Variants in ZNF608 observed in about 807,000 individuals in gnomAD.
ZNF608 encodes the protein renal carcinoma antigen NY-REN-36.
ZNF608 carries 12 observed loss-of-function variants against 109.0 expected under a neutral mutation model. The ratio of observed to expected loss-of-function variants is 0.11; its 90% confidence interval spans 0.07 to 0.18. The LOEUF (loss-of-function observed/expected upper bound fraction) is 0.18, where lower values mean the gene tolerates loss of function less well. Among genes scored for constraint, ZNF608 ranks in the 10% least tolerant of loss-of-function variants. The pLI, the probability that ZNF608 is intolerant of heterozygous loss-of-function variation, is 1.00. For synonymous variants in ZNF608, 732 were observed against 717.4 expected (o/e 1.02, Z -0.33); for missense variants, 1,707 against 1,879.3 (o/e 0.91, Z 1.70).
intron 3 of ZNF608, among the ~76,000 whole-genome samples, chr5:124,688,229 C>T (rs748809607): frequency 6.6e-6 from 1 of 151,990 alleles, no homozygotes; most frequent in Non-Finnish European, 1.5e-5. Context: ...AAGAGTCATT[C>T]TAGACACAAG....
intron 2 of ZNF608, among the ~76,000 whole-genome samples, chr5:124,737,511 T>G (rs987676330): frequency 6.6e-6 from 1 of 152,312 alleles, no homozygotes; most frequent in Non-Finnish European, 1.5e-5. Context: ...TTTATTACAG[T>G]TACAATATAT....
At chr5:124,715,842 A>G (rs1474775341) in intron 2 of ZNF608, among the ~76,000 whole-genome samples, 1 of 152,194 alleles carries the variant, frequency 6.6e-6, no homozygotes, top group Non-Finnish European at 1.5e-5. Context: ...CATATTTTAT[A>G]GCTGCATTAC....
intron 2 of ZNF608, among the ~76,000 whole-genome samples, chr5:124,723,518 T>A (rs965409224): frequency 1.6e-4 from 25 of 152,064 alleles, no homozygotes; most frequent in Non-Finnish European, 4.4e-5. Flanking sequence ...TGAAACCCCA[T>A]CTCTACTAGA....
chr5:124,712,184 A>AG (rs1753520175), intron 2 of ZNF608, among the ~76,000 whole-genome samples: 1 of 152,102 alleles, frequency 6.6e-6, no homozygotes, highest in Non-Finnish European at 1.5e-5. Context: ...TACTCCAAGA[A>AG]GACCTGGCAC....
chr5:124,739,390 A>G (rs993733979), intron 2 of ZNF608, among the ~76,000 whole-genome samples: 1 of 152,260 alleles, frequency 6.6e-6, no homozygotes, highest in Non-Finnish European at 1.5e-5. Context: ...AGGTCTATGT[A>G]TAGTAAACAC....
rs543344949 is a variant in ZNF608, at chr5:124,646,596, G to A, written c.3705+83C>T. ...TATGGGTTTCTTTCCTGTGTCAGAAGTCTAACCAGATCAAGCCCAGACATG... is the reference window on the plus strand; with the variant it reads ...TATGGGTTTCTTTCCTGTGTCAGAAATCTAACCAGATCAAGCCCAGACATG... On this transcript the variant is annotated intron_variant, in intron 5 of 9. Coordinates refer to ENST00000513986, the MANE Select transcript of ZNF608 (RefSeq NM_020747.3). 54 of 1,494,022 alleles carry A rather than the reference G, an allele frequency of 3.6e-5. No individual in the cohort carries two copies. The East Asian group carries it at 1.0e-3, about 29-fold the overall frequency. The allele number at this position is 1,494,022 out of a possible 1,614,324, so 92.5% of individuals were successfully genotyped here.
At chr5:124,685,618 G>GAAA (rs763936854) in intron 3 of ZNF608, among the ~76,000 whole-genome samples, 34 of 136,106 alleles carry the variant, frequency 2.5e-4, no homozygotes, top group Admixed American at 4.4e-4. Flanking sequence ...AAATCTAGAG[G>GAAA]AAAAAAAAAA....
intron 2 of ZNF608, among the ~76,000 whole-genome samples, chr5:124,712,451 G>A (rs545198558): frequency 2.6e-5 from 4 of 152,324 alleles, no homozygotes; most frequent in African/African-American, 7.2e-5. Flanking sequence ...AGTTGGCTCA[G>A]GGAAAATGCA....
chr5:124,675,876 T>C (rs774249979), intron 3 of ZNF608, among the ~76,000 whole-genome samples: 1 of 152,178 alleles, frequency 6.6e-6, no homozygotes, highest in East Asian at 1.9e-4. Context: ...AAGTACTAAA[T>C]TCTTGATGAA....
rs753351422 is a variant in ZNF608 at position 124,639,109 on chromosome 5, A to T, written c.4532+24T>A. On this transcript the variant is annotated intron_variant, in intron 9 of 9. Coordinates refer to ENST00000513986, the MANE Select transcript of ZNF608 (RefSeq NM_020747.3). ...ATTAAGATATTTCTATCTACAACTA[A>T]TTAAAAATGTAGAGGATATTTACCT... is the stretch of plus-strand genomic sequence containing the variant. The T allele has an allele frequency of 1.9e-6, 3 of 1,606,728 alleles. No individual in the cohort carries two copies. The Admixed American group carries it at 5.0e-5, about 27-fold the overall frequency.
At chr5:124,640,015 C>A (rs2149779919) in intron 8 of ZNF608, among the ~76,000 whole-genome samples, 1 of 152,252 alleles carries the variant, frequency 6.6e-6, no homozygotes, top group Non-Finnish European at 1.5e-5. Context: ...AAACCTCTTT[C>A]TCTTCCAAGT....
chr5:124,744,048 G>T lies in ZNF608; in HGVS notation c.906+36C>A. The T allele has an allele frequency of 6.5e-7, 1 of 1,547,942 alleles. No individual in the cohort carries two copies. On this transcript the variant is annotated intron_variant, in intron 2 of 9. Transcript: ENST00000513986. The surrounding 1 kb of genome is among the most constrained non-coding windows in gnomAD (Gnocchi z 4.5). ...CACACCCACACAAATGCACACAGAGGAGAGTAGGACATCTAGGAAGGCGAC... is the reference window on the plus strand; with the variant it reads ...CACACCCACACAAATGCACACAGAGTAGAGTAGGACATCTAGGAAGGCGAC...
Position 124,746,406 on chromosome 5 carries a change from T to A in ZNF608, c.-395A>T. 1.0e-6 allele frequency: 1 copy of A among 985,302 alleles called. No homozygotes were observed. The highest frequency in any genetic ancestry group is 1.2e-6 in the Non-Finnish European group (1 of 829,920). 61.0% of individuals were successfully genotyped at this position (985,302 alleles called of 1,614,324 possible). A position where few individuals can be genotyped will look rare whatever the true frequency, so the allele number is the denominator to read the frequency against. On this transcript the variant is annotated 5_prime_UTR_variant, in exon 1 of 10. In the 5' UTR this introduces an upstream ATG that the reference lacks. Transcript: ENST00000513986. ...GGCAAACGAATCAGTCCTTTTCTCC[T>A]TAAAAAAAATGTGTCACTGTACAGC...
chr5:124,647,111 C>T lies in ZNF608; in HGVS notation c.3273G>A (p.Gln1091=), dbSNP rs1750548886. The change falls in exon 5 of 10, where the codon CAG becomes CAA. Residue 1091 remains glutamine (Q), a synonymous_variant. Transcript: ENST00000513986. The part of the protein sequence containing the change: ...GQYAYGLYMD[Q]KSLMATSPAY... ...CAGGGCTGGTGGCCATCAGAGACTT[C>T]TGGTCCATATAGAGCCCATATGCAT... The T allele has an allele frequency of 6.2e-7, 1 of 1,614,188 alleles. No individual in the cohort carries two copies. The highest frequency in any genetic ancestry group is 1.3e-5 in the African/African-American group (1 of 75,048).
At chr5:124,718,412 C>CT (rs1388814676) in intron 2 of ZNF608, among the ~76,000 whole-genome samples, 1 of 152,194 alleles carries the variant, frequency 6.6e-6, no homozygotes, top group Non-Finnish European at 1.5e-5. Context: ...TGTACGAACT[C>CT]TTTGAAGAAA....
At chr5:124,662,039 G>A (rs144458673) in intron 3 of ZNF608, among the ~76,000 whole-genome samples, 74 of 152,176 alleles carry the variant, frequency 4.9e-4, no homozygotes, top group African/African-American at 1.7e-3. Context: ...ACATTCTAGA[G>A]GTGATTTTGT....
chr5:124,641,702 T>C (rs6888522), intron 7 of ZNF608, among the ~76,000 whole-genome samples: 10,316 of 152,236 alleles, frequency 0.068, 381 homozygotes, highest in African/African-American at 0.073. Context: ...AGGTTAAGAA[T>C]TTACCCAATT....
chr5:124,657,678 A>C (rs971425037), intron 3 of ZNF608, among the ~76,000 whole-genome samples: 10 of 152,126 alleles, frequency 6.6e-5, no homozygotes, highest in East Asian at 3.9e-4. Flanking sequence ...CCATCTCAAA[A>C]AAACAAACAA....
chr5:124,644,254 G>A lies in ZNF608; in HGVS notation c.4113C>T (p.His1371=). The A allele has an allele frequency of 6.2e-7, 1 of 1,607,208 alleles. No homozygotes were observed. Among genetic ancestry groups the A allele is most frequent in the African/African-American group, 1.3e-5 (1 of 74,910 alleles). The change falls in exon 6 of 10, where the codon CAC becomes CAT. Residue 1371 remains histidine (H), a synonymous_variant. Coordinates refer to ENST00000513986, the MANE Select transcript of ZNF608 (RefSeq NM_020747.3). The part of the protein sequence containing the change: ...AYRAVSPVLM[H]SYPGAYLSPG... Reference sequence around the variant, plus strand: ...ACCGACAACACGTACCAGGATAACTGTGCATTAGGACGGGAGAAACAGCCC... The same window carrying A: ...ACCGACAACACGTACCAGGATAACTATGCATTAGGACGGGAGAAACAGCCC...
Sources: gnomAD v4.1 joint callset for allele counts (sites outside exome capture counted in the v4.1 genomes callset) on GRCh38, gnomAD v4.1.1 for gene constraint, Gnocchi (gnomAD v3.1) non-coding constraint, MANE v1.5 for transcripts, NCBI Gene and HGNC (gene_info 2026-07-23, HGNC 2026-07-21) for gene names.